ASIC2: variants seen among roughly 807,000 people sequenced by gnomAD.
The protein encoded by ASIC2 is acid-sensing ion channel 2.
ASIC2 carries 25 observed loss-of-function variants against 57.3 expected under a neutral mutation model. The ratio of observed to expected loss-of-function variants is 0.44; its 90% CI spans 0.32 to 0.61. The LOEUF (loss-of-function observed/expected upper bound fraction) is 0.61. Ranked by LOEUF, ASIC2 falls within the 20% of genes least tolerant of loss-of-function variation. The pLI is 0.06. For synonymous variants in ASIC2, 319 were observed against 307.5 expected (o/e 1.04, Z -0.39); for missense variants, 641 against 738.1 (o/e 0.87, Z 1.52).
chr17:33,540,606 A>T (rs893785642), intron 1 of ASIC2, among the ~76,000 whole-genome samples: 1 of 152,108 alleles, frequency 6.6e-6, no homozygotes. Flanking sequence ...CTGCCCTCAC[A>T]TAGAGTTAGT....
At chr17:33,715,252 T>G (rs1425834034) in intron 1 of ASIC2, among the ~76,000 whole-genome samples, 1 of 152,190 alleles carries the variant, frequency 6.6e-6, no homozygotes, top group Non-Finnish European at 1.5e-5. Flanking sequence ...TCCTCGCACC[T>G]CAGCCTCACA....
At chr17:33,698,737 T>C (rs903023178) in intron 1 of ASIC2, among the ~76,000 whole-genome samples, 1 of 152,086 alleles carries the variant, frequency 6.6e-6, no homozygotes, top group African/African-American at 2.4e-5. Flanking sequence ...GGCTGCATTG[T>C]TCTGCTGGGG....
Position 33,521,145 on chromosome 17 carries a change from G to A in ASIC2, c.556-409078C>T, listed in dbSNP as rs375878862. ...CTGGCAGATTAGGTCTCGGGACTTGGGACTCAGGCTGGGCTGGGTCCACAC... is the reference window on the plus strand; with the variant it reads ...CTGGCAGATTAGGTCTCGGGACTTGAGACTCAGGCTGGGCTGGGTCCACAC... On this transcript the variant is annotated intron_variant, in intron 1 of 9. Transcript: ENST00000359872. Among the ~76,000 whole-genome samples the A allele has an allele frequency of 9.9e-5, 15 of 152,234 alleles. No homozygotes were observed. In the East Asian group the frequency reaches 2.3e-3, roughly 24 times the overall value.
chr17:33,269,368 A>T (rs565037242), intron 1 of ASIC2, among the ~76,000 whole-genome samples: 1 of 152,238 alleles, frequency 6.6e-6, no homozygotes, highest in Non-Finnish European at 1.5e-5. Flanking sequence ...TCTTAACAGA[A>T]ATGATGTATC....
At chr17:34,031,937 T>A (rs1400617842) in intron 1 of ASIC2, among the ~76,000 whole-genome samples, 1 of 152,208 alleles carries the variant, frequency 6.6e-6, no homozygotes, top group Non-Finnish European at 1.5e-5. Flanking sequence ...GAAAACACTC[T>A]GCAGGATATT....
intron 1 of ASIC2, among the ~76,000 whole-genome samples, chr17:33,873,175 CT>C (rs1422034441): frequency 6.6e-6 from 1 of 152,148 alleles, no homozygotes; most frequent in Non-Finnish European, 1.5e-5. Flanking sequence ...TCAATACATT[CT>C]TTTTTTGGCT....
intron 1 of ASIC2, among the ~76,000 whole-genome samples, chr17:33,812,661 C>T (rs955604545): frequency 6.6e-6 from 1 of 152,014 alleles, no homozygotes; most frequent in East Asian, 1.9e-4. Context: ...GAGGCTGAGG[C>T]GAGCATCAGA....
intron 1 of ASIC2, among the ~76,000 whole-genome samples, chr17:33,511,094 T>C (rs1441326517): frequency 2.0e-5 from 3 of 152,176 alleles, no homozygotes; most frequent in Non-Finnish European, 4.4e-5. Context: ...CTGAGCCTTT[T>C]CACAGACGGG....
chr17:33,680,108 C>A (rs1283595400), intron 1 of ASIC2, among the ~76,000 whole-genome samples: 1 of 152,088 alleles, frequency 6.6e-6, no homozygotes, highest in African/African-American at 2.4e-5. Flanking sequence ...CTTGACTTCA[C>A]CTGAATGTCA....
chr17:33,019,245 A>G (rs2091823915), intron 7 of ASIC2, among the ~76,000 whole-genome samples: 1 of 151,728 alleles, frequency 6.6e-6, no homozygotes, highest in African/African-American at 2.4e-5. Flanking sequence ...CTGGCTGTCT[A>G]TGGTTTTATG....
At chr17:33,935,658 G>C (rs183536234) in intron 1 of ASIC2, 1 of 152,290 alleles carries the variant, frequency 6.6e-6, no homozygotes, top group East Asian at 1.9e-4. Flanking sequence ...CATTGTGGAT[G>C]AGGAAACTAC....
intron 1 of ASIC2, among the ~76,000 whole-genome samples, chr17:33,365,161 C>A (rs1908759372): frequency 6.6e-6 from 1 of 152,186 alleles, no homozygotes; most frequent in African/African-American, 2.4e-5. Flanking sequence ...GAACCCTCTG[C>A]CTTTGTCCAC....
At chr17:34,056,503 G>GTT (rs1567803443) in intron 1 of ASIC2, among the ~76,000 whole-genome samples, 91 of 152,272 alleles carry the variant, frequency 6.0e-4, no homozygotes, top group African/African-American at 2.1e-3. Context: ...TGCTGTGAGT[G>GTT]GTAAAGCATG....
intron 1 of ASIC2, among the ~76,000 whole-genome samples, chr17:33,668,499 C>T (rs1294936610): frequency 6.6e-6 from 1 of 152,030 alleles, no homozygotes; most frequent in East Asian, 1.9e-4. Context: ...TGCCATCTCT[C>T]TGGTTTTCCG....
At chr17:33,098,945 A>AAT (rs1212333588) in intron 2 of ASIC2, among the ~76,000 whole-genome samples, 1 of 149,606 alleles carries the variant, frequency 6.7e-6, no homozygotes. Context: ...ATATACACAA[A>AAT]ATATATATAT....
At chr17:33,506,877 C>T (rs987758820) in intron 1 of ASIC2, among the ~76,000 whole-genome samples, 5 of 152,152 alleles carry the variant, frequency 3.3e-5, no homozygotes, top group African/African-American at 1.2e-4. Context: ...CGTGGTTGGT[C>T]CACTGAGGAA....
chr17:33,324,888 G>A (rs970306362), intron 1 of ASIC2, among the ~76,000 whole-genome samples: 4 of 152,122 alleles, frequency 2.6e-5, no homozygotes, highest in African/African-American at 9.7e-5. Context: ...AATATCACAA[G>A]AGAACCACCC....
chr17:33,056,031 T>C (rs1421504166), intron 3 of ASIC2, among the ~76,000 whole-genome samples: 4 of 152,210 alleles, frequency 2.6e-5, no homozygotes, highest in Non-Finnish European at 4.4e-5. Context: ...CCCTAGAGGA[T>C]TCTCATGCTG....
chr17:33,847,959 C>A (rs924570308), intron 1 of ASIC2, among the ~76,000 whole-genome samples: 1 of 152,092 alleles, frequency 6.6e-6, no homozygotes, highest in African/African-American at 2.4e-5. Flanking sequence ...TCACTCCAGG[C>A]ACTTTGGGAA....
Sources: allele counts gnomAD v4.1 joint callset (sites outside exome capture counted in the v4.1 genomes callset), GRCh38; gene constraint gnomAD v4.1.1; transcripts MANE v1.5; gene names NCBI Gene and HGNC (gene_info 2026-07-23, HGNC 2026-07-21).